SNX19: variants seen among roughly 807,000 people sequenced by gnomAD.
SNX19 encodes sorting nexin-19.
In SNX19, 60 loss-of-function variants were observed where a neutral mutation model predicts 85.2. The ratio of observed to expected loss-of-function variants is 0.70; its 90% CI spans 0.57 to 0.87. The LOEUF is 0.87. Ranked by LOEUF, SNX19 falls within the 40% of genes least tolerant of loss-of-function variation. SNX19 has a pLI of 0.00. For missense variants in SNX19, 1,201 were observed against 1,217.8 expected (o/e 0.99, Z 0.21); for synonymous variants, 520 against 470.0 (o/e 1.11, Z -1.38).
Position 130,914,722 on chromosome 11 carries a change from C to T in SNX19, c.1218G>A (p.Glu406=). 6.2e-7 allele frequency: 1 copy of T among 1,614,064 alleles called. No homozygotes were observed. The highest frequency in any genetic ancestry group is 1.3e-5 in the African/African-American group (1 of 75,000). ...DRIQDALCAL[E]SSQALEPKDG... ...CTTTGGGTTCCAGAGCCTGGGAACT[C>T]TCTAGGGCACACAGGGCATCCTGAA... The change falls in exon 1 of 11, where the codon GAG becomes GAA. Residue 406 remains glutamate (E), a synonymous_variant. Transcript: ENST00000265909.
intron 5 of SNX19, 69 bp downstream of exon 5, chr11:130,907,884 T>C: frequency 6.3e-7 from 1 of 1,593,552 alleles, no homozygotes; most frequent in Non-Finnish European, 8.5e-7. Flanking sequence ...ATAGGGTGAG[T>C]GTTGGCTGAG....
Position 130,905,959 on chromosome 11 carries a change from C to T in SNX19, c.2437G>A (p.Asp813Asn), listed in dbSNP as rs771453804. 2.1e-5 allele frequency: 34 copies of T among 1,614,102 alleles called. No individual in the cohort carries two copies. The highest frequency in any genetic ancestry group is 2.5e-5 in the Non-Finnish European group (30 of 1,180,054). Residue 813 changes from aspartate (D) to asparagine (N), a missense_variant, in exon 7 of 11, where the codon GAT becomes AAT. This residue lies in a region of SNX19 where 285 missense variants were observed against 295.3 expected (regional missense o/e 0.97). Transcript: ENST00000265909. The part of the protein sequence containing the change: ...AVPAQDPSNS[D>N]PGTETELADT... ...CAGAGACCTCGCCACTCACCTGGAT[C>T]GCTGTTGCTGGGGTCTTGGGCTGGC...
chr11:130,907,830 A>C, intron 5 of SNX19, 123 bp downstream of exon 5: 1 of 1,450,500 alleles, frequency 6.9e-7, no homozygotes, highest in Non-Finnish European at 9.3e-7. Flanking sequence ...CTTTGCCTAA[A>C]AACTGGTATG....
chr11:130,887,960 T>G (rs76246208), intron 8 of SNX19, among the ~76,000 whole-genome samples: 1 of 152,146 alleles, frequency 6.6e-6, no homozygotes, highest in African/African-American at 2.4e-5. Context: ...ACATAGGGGA[T>G]TGAGCCTTCC....
At chr11:130,911,853 T>C (rs1011297746) in intron 1 of SNX19, 82 bp from the exon 2 acceptor site, 22 of 1,379,866 alleles carry the variant, frequency 1.6e-5, no homozygotes, top group African/African-American at 9.9e-5. Flanking sequence ...ACTTGGTCAA[T>C]GGCCACATAG....
At chr11:130,901,064 G>A (rs978659212) in intron 8 of SNX19, among the ~76,000 whole-genome samples, 1 of 152,176 alleles carries the variant, frequency 6.6e-6, no homozygotes, top group Non-Finnish European at 1.5e-5. Flanking sequence ...TGGTAACACT[G>A]ATATTTTGGG....
rs199928817 is a variant in SNX19 at position 130,915,608 on chromosome 11, C to G, written c.332G>C (p.Arg111Pro). The change falls in exon 1 of 11, where the codon CGA (arginine) becomes CCA (proline). Residue 111 changes from arginine (R) to proline (P), a missense_variant. Physicochemically the swap from Arg to Pro is moderately radical, Grantham distance 103 (BLOSUM62 -2). This residue lies in a region of SNX19 where 791 missense variants were observed against 750.9 expected (regional missense o/e 1.05). Coordinates refer to ENST00000265909, the MANE Select transcript of SNX19 (RefSeq NM_014758.3). ...ACGGTACCAAGATAACACAAAATCT[C>G]GAATAATCATCTGGATGGTGCGGTT... is the stretch of plus-strand genomic sequence containing the variant. Reference protein sequence around the residue: ...EINRTIQMIIRDFVLSWYRSV... With the variant: ...EINRTIQMIIPDFVLSWYRSV... 2.5e-6 allele frequency: 4 copies of G among 1,614,238 alleles called. No homozygotes were observed. The highest frequency in any genetic ancestry group is 3.4e-6 in the Non-Finnish European group (4 of 1,180,038).
chr11:130,913,941 T>G (rs1408090668), intron 1 of SNX19, among the ~76,000 whole-genome samples: 6 of 152,110 alleles, frequency 3.9e-5, no homozygotes, highest in Non-Finnish European at 8.8e-5. Flanking sequence ...TTAGAAATTC[T>G]CATACAGAAT....
chr11:130,915,762 C>G lies in SNX19; in HGVS notation c.178G>C (p.Val60Leu), dbSNP rs763091499. ...LLCLLSALLVVLGGWLGSSLA... is the reference protein window; with the variant it reads ...LLCLLSALLVLLGGWLGSSLA... ...CTGGAGCCCAGCCATCCTCCCAGCA[C>G]CACTAGCAATGCCGACAGAAGGCAC... is the stretch of plus-strand genomic sequence containing the variant. Residue 60 changes from valine to leucine, a missense_variant, in exon 1 of 11, where the codon GTG (valine) becomes CTG (leucine). Coordinates refer to ENST00000265909, the MANE Select transcript of SNX19 (RefSeq NM_014758.3). The G allele has an allele frequency of 6.2e-7, 1 of 1,614,112 alleles. No homozygotes were observed. The highest frequency in any genetic ancestry group is 8.5e-7 in the Non-Finnish European group (1 of 1,180,056).
intron 8 of SNX19, among the ~76,000 whole-genome samples, chr11:130,881,917 T>TA (rs1249734690): frequency 6.6e-6 from 1 of 152,210 alleles, no homozygotes; most frequent in Non-Finnish European, 1.5e-5. Flanking sequence ...TCTTGTACTT[T>TA]AAAAAAACTC....
Position 130,869,618 on chromosome 11 carries a change from G to C in SNX19, c.*8804C>G, listed in dbSNP as rs1457974774. 1 of 152,130 alleles carries C rather than the reference G, an allele frequency of 6.6e-6. No homozygotes were observed. Among genetic ancestry groups the C allele is most frequent in the Non-Finnish European group, 1.5e-5 (1 of 68,024 alleles). The allele number at this position is 152,130 out of a possible 1,614,324, so 9.4% of individuals were successfully genotyped here. A position where few individuals can be genotyped will look rare whatever the true frequency, so the allele number is the denominator to read the frequency against. On this transcript the variant is annotated 3_prime_UTR_variant, in exon 11 of 11. Transcript: ENST00000265909. ...CTCAGAATCTGGGACTTAAAATCAGGGGAAGAGATGTGAATGGCTAAACTT... is the reference window on the plus strand; with the variant it reads ...CTCAGAATCTGGGACTTAAAATCAGCGGAAGAGATGTGAATGGCTAAACTT...
rs1946563602 is a variant in SNX19, at chr11:130,916,016, A to C, written c.-77T>G. 1 of 1,344,794 alleles carries C rather than the reference A, an allele frequency of 7.4e-7. No homozygotes were observed. 83.3% of individuals were successfully genotyped at this position (1,344,794 alleles called of 1,614,324 possible). Reference sequence around the variant, plus strand: ...TCAGAGTTAGGGAAGGGGGGCATGAACTGTGTCTCAGATATGGGGCGATCT... The same window carrying C: ...TCAGAGTTAGGGAAGGGGGGCATGACCTGTGTCTCAGATATGGGGCGATCT... On this transcript the variant is annotated 5_prime_UTR_variant, in exon 1 of 11. Coordinates refer to ENST00000265909, the MANE Select transcript of SNX19 (RefSeq NM_014758.3).
At position 130,874,101 on chromosome 11, in the gene SNX19, C is replaced by A. The variant is rs1303251679; in HGVS notation, c.*4321G>T. Reference sequence around the variant, plus strand: ...GCAGTGGTGTGATCGTAGCTCACTGCAGCCTCAAATTCCTGGGCTCAAGTG... The same window carrying A: ...GCAGTGGTGTGATCGTAGCTCACTGAAGCCTCAAATTCCTGGGCTCAAGTG... On this transcript the variant is annotated 3_prime_UTR_variant, in exon 11 of 11. Coordinates refer to ENST00000265909, the MANE Select transcript of SNX19 (RefSeq NM_014758.3). Among the ~76,000 whole-genome samples the A allele has an allele frequency of 1.4e-4, 22 of 151,954 alleles. No homozygotes were observed. Among genetic ancestry groups the A allele is most frequent in the Non-Finnish European group, 2.9e-5 (2 of 68,004 alleles).
Position 130,876,452 on chromosome 11 carries a change from T to C in SNX19, c.*1970A>G, listed in dbSNP as rs1265211578. The C allele has an allele frequency of 1.3e-5, 2 of 152,600 alleles. No individual in the cohort carries two copies. The highest frequency in any genetic ancestry group is 4.8e-5 in the African/African-American group (2 of 41,392). 9.5% of individuals were successfully genotyped at this position (152,600 alleles called of 1,614,324 possible). Reference sequence around the variant, plus strand: ...TTATATAATACGAAATAAAAATAAGTTCTTTGGGCTGGAAGTGTCAAAAGA... The same window carrying C: ...TTATATAATACGAAATAAAAATAAGCTCTTTGGGCTGGAAGTGTCAAAAGA... On this transcript the variant is annotated 3_prime_UTR_variant, in exon 11 of 11. Coordinates refer to ENST00000265909, the MANE Select transcript of SNX19 (RefSeq NM_014758.3).
Position 130,915,803 on chromosome 11 carries a change from A to T in SNX19, c.137T>A (p.Val46Asp), listed in dbSNP as rs778964710. ...LGWLLVIHLL[V>D]NVWLLCLLSA... is the part of the protein sequence containing the mutation. Reference sequence around the variant, plus strand: ...CAGAAGGCACAGCAGCCACACGTTGACCAGAAGGTGTATGACCAGGAGCCA... The same window carrying T: ...CAGAAGGCACAGCAGCCACACGTTGTCCAGAAGGTGTATGACCAGGAGCCA... The change falls in exon 1 of 11, where the codon GTC (valine) becomes GAC (aspartate). Residue 46 changes from valine (V) to aspartate (D), a missense_variant. Coordinates refer to ENST00000265909, the MANE Select transcript of SNX19 (RefSeq NM_014758.3). The T allele has an allele frequency of 1.2e-5, 19 of 1,614,176 alleles. No individual in the cohort carries two copies. The highest frequency in any genetic ancestry group is 1.5e-5 in the Non-Finnish European group (18 of 1,180,030).
At chr11:130,896,664 C>A (rs534902064) in intron 8 of SNX19, among the ~76,000 whole-genome samples, 1 of 152,054 alleles carries the variant, frequency 6.6e-6, no homozygotes, top group African/African-American at 2.4e-5. Flanking sequence ...ATTTTGGGAA[C>A]GTTATTTTAT....
intron 8 of SNX19, among the ~76,000 whole-genome samples, chr11:130,899,229 G>A (rs1945085670): frequency 6.6e-6 from 1 of 152,198 alleles, no homozygotes; most frequent in African/African-American, 2.4e-5. Flanking sequence ...CAAATGTGCT[G>A]ATGCTGACGA....
At chr11:130,904,886 C>T (rs935714413) in intron 7 of SNX19, among the ~76,000 whole-genome samples, 10 of 152,088 alleles carry the variant, frequency 6.6e-5, no homozygotes, top group African/African-American at 2.4e-4. Context: ...TTCTCTGATG[C>T]TTTCACTGTC....
rs116841102 is a variant in SNX19 at position 130,913,157 on chromosome 11, C to A, written c.1674+1109G>T. On this transcript the variant is annotated intron_variant, in intron 1 of 10. Transcript: ENST00000265909. Reference sequence around the variant, plus strand: ...TTCTGCTAATGAGGAGGGAAAAAACCTGCTGTTTTATGTCAGTATTGGAAT... The same window carrying A: ...TTCTGCTAATGAGGAGGGAAAAAACATGCTGTTTTATGTCAGTATTGGAAT... Among the ~76,000 whole-genome samples the A allele has an allele frequency of 2.6e-5, 4 of 152,026 alleles. No homozygotes were observed. The East Asian group carries it at 7.7e-4, about 29-fold the overall frequency.
Sources: gnomAD v4.1 joint callset for allele counts (sites outside exome capture counted in the v4.1 genomes callset) on GRCh38, gnomAD v4.1.1 for gene constraint, gnomAD v4.1.1 regional missense constraint, MANE v1.5 for transcripts, NCBI Gene and HGNC (gene_info 2026-07-23, HGNC 2026-07-21) for gene names.